The following AGBL4 variants were observed in gnomAD, a reference collection of about 807,000 sequenced individuals.
The protein encoded by AGBL4 is AGBL carboxypeptidase 4, also known as cytosolic carboxypeptidase 6.
Under a neutral mutation model 66.4 loss-of-function variants are expected in AGBL4, and 58 were observed. That is an observed-to-expected ratio of 0.87 (90% CI 0.71 to 1.09). The LOEUF is 1.09. Ranked by LOEUF, AGBL4 falls within the 50% of genes least tolerant of loss-of-function variation. The probability of loss-of-function intolerance (pLI) is 0.00; values close to 1 mark genes in which losing one functional copy is unlikely to be tolerated. For synonymous variants in AGBL4, 234 were observed against 222.9 expected, an observed-to-expected ratio of 1.05 and a Z score of -0.44; for missense variants, 579 against 631.0, an observed-to-expected ratio of 0.92 and a Z score of 0.88.
intron 4 of AGBL4, among the ~76,000 whole-genome samples, chr1:49,201,117 G>C (rs998199452): frequency 6.6e-6 from 1 of 152,284 alleles, no homozygotes; most frequent in East Asian, 1.9e-4. Flanking sequence ...TTCCCTTAGA[G>C]AAAAGGGCTC....
chr1:49,545,139 T>C (rs1030096447), intron 3 of AGBL4, among the ~76,000 whole-genome samples: 1 of 152,206 alleles, frequency 6.6e-6, no homozygotes, highest in Non-Finnish European at 1.5e-5. Context: ...AAAAAAGTGA[T>C]GAGATGTCAC....
At chr1:48,643,875 G>A (rs1645796340) in intron 8 of AGBL4, among the ~76,000 whole-genome samples, 1 of 152,142 alleles carries the variant, frequency 6.6e-6, no homozygotes, top group Non-Finnish European at 1.5e-5. Context: ...GCCACATGGT[G>A]TGCTTTCTAG....
chr1:49,936,286 A>G (rs1654003600), intron 1 of AGBL4, among the ~76,000 whole-genome samples: 1 of 152,252 alleles, frequency 6.6e-6, no homozygotes, highest in African/African-American at 2.4e-5. Flanking sequence ...AAGTTTAGAG[A>G]AAAAAGAATA....
intron 4 of AGBL4, among the ~76,000 whole-genome samples, chr1:49,061,354 C>T (rs1048452939): frequency 6.6e-6 from 1 of 152,028 alleles, no homozygotes; most frequent in African/African-American, 2.4e-5. Context: ...GAGGAGATAC[C>T]CCTTGAATAT....
At chr1:49,586,893 T>C (rs1644658964) in intron 3 of AGBL4, among the ~76,000 whole-genome samples, 1 of 152,154 alleles carries the variant, frequency 6.6e-6, no homozygotes, top group Non-Finnish European at 1.5e-5. Flanking sequence ...TCTTGACTCA[T>C]CTAGTTCTGT....
At chr1:48,637,415 G>C (rs762405493) in intron 8 of AGBL4, among the ~76,000 whole-genome samples, 1 of 152,160 alleles carries the variant, frequency 6.6e-6, no homozygotes, top group Non-Finnish European at 1.5e-5. Context: ...GTTACTAGAT[G>C]GGGGGTTGAA....
intron 3 of AGBL4, among the ~76,000 whole-genome samples, chr1:49,420,247 C>G (rs1557923999): frequency 6.6e-6 from 1 of 152,106 alleles, no homozygotes. Context: ...GTCAGATATA[C>G]AAGGGTTGGC....
intron 6 of AGBL4, among the ~76,000 whole-genome samples, chr1:48,858,110 C>A (rs893746094): frequency 2.8e-4 from 42 of 151,956 alleles, no homozygotes; most frequent in African/African-American, 1.0e-3. Context: ...AGAAAAAATG[C>A]AAATTAAAGC....
intron 4 of AGBL4, among the ~76,000 whole-genome samples, chr1:49,151,007 G>A (rs189278900): frequency 2.1e-4 from 32 of 152,158 alleles, no homozygotes; most frequent in African/African-American, 7.2e-4. Flanking sequence ...GGTGGCTCAC[G>A]TCTGTAATCC....
At chr1:48,591,093 C>CA (rs1472679354) in intron 9 of AGBL4, 108 bp from the exon 10 acceptor site, 3 of 737,964 alleles carry the variant, frequency 4.1e-6, no homozygotes, top group Non-Finnish European at 6.1e-6. Context: ...CCCACCCACC[C>CA]CCCCCCACAC....
chr1:49,544,636 C>T lies in AGBL4; in HGVS notation c.282+152677G>A, dbSNP rs147657104. Among the ~76,000 whole-genome samples the T allele has an allele frequency of 7.0e-4, 107 of 152,286 alleles. 1 individual carries two copies. Among genetic ancestry groups the T allele is most frequent in the African/African-American group, 2.3e-3 (94 of 41,572 alleles). ...ACCATTTTAAGGTACTTTTTATGTG[C>T]GCAGCATAATCATTTTATGTGTATT... On this transcript the variant is annotated intron_variant, in intron 3 of 13. Coordinates refer to ENST00000371839, the MANE Select transcript of AGBL4 (RefSeq NM_032785.4).
chr1:48,606,058 G>A (rs1041993899), intron 9 of AGBL4, among the ~76,000 whole-genome samples: 1 of 152,180 alleles, frequency 6.6e-6, no homozygotes, highest in African/African-American at 2.4e-5. Flanking sequence ...TCAATAAAGT[G>A]TAACACTTTA....
chr1:49,032,958 C>T (rs991207828), intron 5 of AGBL4, among the ~76,000 whole-genome samples: 22 of 152,022 alleles, frequency 1.4e-4, no homozygotes, highest in South Asian at 2.1e-4. Flanking sequence ...GCTTCTATAG[C>T]TTCAGGTAAA....
chr1:49,883,904 G>A (rs188486101), intron 1 of AGBL4, among the ~76,000 whole-genome samples: 30 of 151,956 alleles, frequency 2.0e-4, no homozygotes, highest in South Asian at 2.1e-4. Flanking sequence ...GTACAAGGCA[G>A]GAAATACAAA....
intron 4 of AGBL4, among the ~76,000 whole-genome samples, chr1:49,194,114 T>C (rs1048916938): frequency 6.6e-6 from 1 of 152,198 alleles, no homozygotes; most frequent in East Asian, 1.9e-4. Flanking sequence ...TAGTAGGATG[T>C]TGAAGTCCTC....
intron 4 of AGBL4, among the ~76,000 whole-genome samples, chr1:49,098,098 T>G (rs1260114569): frequency 6.6e-6 from 1 of 152,254 alleles, no homozygotes; most frequent in East Asian, 1.9e-4. Flanking sequence ...AGGCTTGAAC[T>G]GTGGCTCTGT....
intron 4 of AGBL4, among the ~76,000 whole-genome samples, chr1:49,183,287 T>C (rs1435564393): frequency 6.6e-6 from 1 of 152,222 alleles, no homozygotes; most frequent in Non-Finnish European, 1.5e-5. Flanking sequence ...AATTTTGCAC[T>C]AATCAGAATC....
At chr1:49,766,612 C>T (rs1281073532) in intron 2 of AGBL4, among the ~76,000 whole-genome samples, 2 of 151,718 alleles carry the variant, frequency 1.3e-5, no homozygotes, top group Non-Finnish European at 2.9e-5. Context: ...CTGAATGCCC[C>T]CACTTAAAAG....
intron 2 of AGBL4, among the ~76,000 whole-genome samples, chr1:49,799,485 G>C (rs982329855): frequency 1.3e-5 from 2 of 152,144 alleles, no homozygotes; most frequent in Non-Finnish European, 2.9e-5. Flanking sequence ...TGAGAAAGTT[G>C]TATGCTAGTA....
Sources: allele counts gnomAD v4.1 joint callset (sites outside exome capture counted in the v4.1 genomes callset), GRCh38; gene constraint gnomAD v4.1.1; transcripts MANE v1.5; gene names NCBI Gene and HGNC (gene_info 2026-07-23, HGNC 2026-07-21).